Variants in PGPEP1L observed in about 807,000 individuals in gnomAD.
PGPEP1L encodes pyroglutamyl-peptidase 1-like protein.
Under a neutral mutation model 6.0 loss-of-function variants are expected in PGPEP1L, and 7 were observed. The observed-to-expected ratio is 1.17, with a 90% CI of 0.66 to 2.19. The LOEUF is 2.19. Among genes scored for constraint, PGPEP1L ranks in the 30% most tolerant of loss-of-function variants. The pLI, the probability that PGPEP1L is intolerant of heterozygous loss-of-function variation, is 0.00. For missense variants in PGPEP1L, 209 were observed against 192.5 expected (o/e 1.09, Z -0.51); for synonymous variants, 103 against 83.9 (o/e 1.23, Z -1.24).
chr15:98,972,903 G>T (rs534452626), intron 2 of PGPEP1L, among the ~76,000 whole-genome samples: 25 of 94,546 alleles, frequency 2.6e-4, no homozygotes, highest in South Asian at 6.6e-4. Context: ...AAAAAAAAAA[G>T]TGCAGTGTAG....
At chr15:98,968,946 C>CTGCA (rs35381060) in intron 4 of PGPEP1L, among the ~76,000 whole-genome samples, 48,343 of 151,874 alleles carry the variant, frequency 0.32, 8,579 homozygotes, top group South Asian at 0.51. Context: ...TCCACAGCAC[C>CTGCA]TGCATCCCAG....
chr15:98,991,525 A>C (rs2017819723), intron 2 of PGPEP1L, among the ~76,000 whole-genome samples: 1 of 152,192 alleles, frequency 6.6e-6, no homozygotes, highest in Non-Finnish European at 1.5e-5. Flanking sequence ...ATTCTACTAG[A>C]GGTACAAAGA....
Position 98,982,700 on chromosome 15 carries a change from C to CTTTTTTTTTTTTTTTTTT in PGPEP1L, c.-141-11560_-141-11543dup, listed in dbSNP as rs369749842. On this transcript the variant is annotated intron_variant, in intron 2 of 4. Coordinates refer to ENST00000535714, the MANE Select transcript of PGPEP1L (RefSeq NM_001167902.2). ...TCACTCTGGTTATTTTTATCTGAGG[C>CTTTTTTTTTTTTTTTTTT]TTTTTTTTTTTTTTTTTTTTTTTTT... Among the ~76,000 whole-genome samples the CTTTTTTTTTTTTTTTTTT allele has an allele frequency of 2.2e-3, 114 of 52,498 alleles. 25 individuals are homozygous for CTTTTTTTTTTTTTTTTTT. The highest frequency in any genetic ancestry group is 4.1e-3 in the Non-Finnish European group (98 of 23,884). The allele number at this position is 52,498 out of a possible 152,430, so 34.4% of individuals were successfully genotyped here. A position where few individuals can be genotyped will look rare whatever the true frequency, so the allele number is the denominator to read the frequency against.
At chr15:98,983,669 G>A (rs1393103295) in intron 2 of PGPEP1L, among the ~76,000 whole-genome samples, 2 of 152,146 alleles carry the variant, frequency 1.3e-5, no homozygotes, top group African/African-American at 4.8e-5. Flanking sequence ...TAAAACTTGA[G>A]ACTAAGAAGG....
Position 99,003,167 on chromosome 15 carries a change from G to GAA in PGPEP1L, c.-142+2260_-142+2261dup, listed in dbSNP as rs553942696. Among the ~76,000 whole-genome samples the GAA allele has an allele frequency of 6.5e-3, 694 of 106,524 alleles. 9 individuals carry two copies. The highest frequency in any genetic ancestry group is 0.019 in the African/African-American group (598 of 31,930). The allele number at this position is 106,524 out of a possible 152,430, so 69.9% of individuals were successfully genotyped here. A position where few individuals can be genotyped will look rare whatever the true frequency, so the allele number is the denominator to read the frequency against. On this transcript the variant is annotated intron_variant, in intron 2 of 4. Transcript: ENST00000535714. ...CTTTAGCTGCCCTTGGAAACAGCCA[G>GAA]AAAAAAAAAAGGGCAGTTATAGAAA...
At chr15:98,981,860 C>A (rs1273233507) in intron 2 of PGPEP1L, among the ~76,000 whole-genome samples, 1 of 152,136 alleles carries the variant, frequency 6.6e-6, no homozygotes, top group African/African-American at 2.4e-5. Context: ...AGGGAACAAG[C>A]TGGAGAGGCT....
At chr15:99,005,285 C>T (rs2018035157) in intron 2 of PGPEP1L, 144 bp downstream of exon 2, 1 of 152,282 alleles carries the variant, frequency 6.6e-6, no homozygotes, top group African/African-American at 2.4e-5. Flanking sequence ...AAGTTCGTTT[C>T]CATCTGGAAT....
chr15:98,998,963 A>C (rs2017923484), intron 2 of PGPEP1L, among the ~76,000 whole-genome samples: 1 of 151,646 alleles, frequency 6.6e-6, no homozygotes, highest in African/African-American at 2.4e-5. Context: ...CGAAAGAGCA[A>C]AACTGTTTCA....
chr15:98,969,725 GC>G, intron 3 of PGPEP1L, 74 bp from the exon 4 acceptor site: 1 of 1,485,658 alleles, frequency 6.7e-7, no homozygotes, highest in Non-Finnish European at 9.3e-7. Flanking sequence ...TGCAGAAGGG[GC>G]CACTCCTTTT....
chr15:98,971,385 T>C (rs1236448670), intron 2 of PGPEP1L, among the ~76,000 whole-genome samples: 1 of 152,084 alleles, frequency 6.6e-6, no homozygotes, highest in Non-Finnish European at 1.5e-5. Context: ...TCCCAGCTAC[T>C]TGGGAGGCTG....
chr15:98,976,058 G>C (rs533971021), intron 2 of PGPEP1L, among the ~76,000 whole-genome samples: 1 of 152,074 alleles, frequency 6.6e-6, no homozygotes. Flanking sequence ...ATTACCAGAC[G>C]TTGGGGGAAG....
intron 2 of PGPEP1L, among the ~76,000 whole-genome samples, chr15:98,986,449 T>C (rs2017748303): frequency 6.6e-6 from 1 of 152,252 alleles, no homozygotes; most frequent in Admixed American, 6.5e-5. Context: ...AGCTTCTTGA[T>C]GAGTGTCTGG....
At chr15:98,977,003 C>CAAAAA (rs11385185) in intron 2 of PGPEP1L, among the ~76,000 whole-genome samples, 8 of 128,950 alleles carry the variant, frequency 6.2e-5, no homozygotes, top group African/African-American at 2.3e-4. Flanking sequence ...AGTAAAATGG[C>CAAAAA]AAAAAAAAAA....
chr15:98,984,217 A>G (rs961216197), intron 2 of PGPEP1L, among the ~76,000 whole-genome samples: 1 of 151,978 alleles, frequency 6.6e-6, no homozygotes, highest in African/African-American at 2.4e-5. Context: ...TCACCATGTT[A>G]GCCAAGATGG....
At chr15:99,003,568 C>A (rs573418782) in intron 2 of PGPEP1L, among the ~76,000 whole-genome samples, 1 of 151,992 alleles carries the variant, frequency 6.6e-6, no homozygotes, top group Non-Finnish European at 1.5e-5. Context: ...TCGGAGCCCT[C>A]GTTCTCCCAC....
At chr15:98,981,340 G>A (rs957586181) in intron 2 of PGPEP1L, among the ~76,000 whole-genome samples, 9 of 151,642 alleles carry the variant, frequency 5.9e-5, no homozygotes, top group Non-Finnish European at 1.0e-4. Flanking sequence ...AAAATACAAA[G>A]TTAGCCGGGC....
At chr15:98,983,124 T>C (rs539499338) in intron 2 of PGPEP1L, among the ~76,000 whole-genome samples, 6 of 149,418 alleles carry the variant, frequency 4.0e-5, no homozygotes, top group African/African-American at 1.5e-4. Context: ...GGTTTTGTCC[T>C]GGGATTTGGT....
At chr15:98,981,252 G>T (rs919195154) in intron 2 of PGPEP1L, among the ~76,000 whole-genome samples, 17 of 151,996 alleles carry the variant, frequency 1.1e-4, no homozygotes, top group Admixed American at 5.9e-4. Flanking sequence ...CAGCACTTTG[G>T]GAGGCCGAGG....
chr15:98,981,830 G>C (rs1403877130), intron 2 of PGPEP1L, among the ~76,000 whole-genome samples: 2 of 152,134 alleles, frequency 1.3e-5, no homozygotes, highest in African/African-American at 4.8e-5. Flanking sequence ...TAAATAAAAA[G>C]TTTGTCTAAA....
Sources: allele counts gnomAD v4.1 joint callset (sites outside exome capture counted in the v4.1 genomes callset), GRCh38; gene constraint gnomAD v4.1.1; transcripts MANE v1.5; gene names NCBI Gene and HGNC (gene_info 2026-07-23, HGNC 2026-07-21).